Variants in ZC3H12B observed in about 807,000 individuals in gnomAD.
ZC3H12B encodes the protein probable ribonuclease ZC3H12B.
In ZC3H12B, 7 loss-of-function variants were observed where a neutral mutation model predicts 43.9. The ratio of observed to expected loss-of-function variants is 0.16; its 90% confidence interval spans 0.09 to 0.30. ZC3H12B has a LOEUF of 0.30. Among genes scored for constraint, ZC3H12B ranks in the 10% least tolerant of loss-of-function variants. The probability of loss-of-function intolerance (pLI) is 1.00; values close to 1 mark genes in which losing one functional copy is unlikely to be tolerated. For synonymous variants in ZC3H12B, 222 were observed against 241.7 expected (o/e 0.92, Z 0.76); for missense variants, 475 against 670.2 (o/e 0.71, Z 3.22).
the ZC3H12B span, among the ~76,000 whole-genome samples, chrX:65,186,944 T>G: frequency 2.7e-5 from 3 of 112,053 alleles, no homozygotes; most frequent in Admixed American, 2.9e-4. Context: ...TTGGTGGGCA[T>G]TTGGGCTGGT....
the ZC3H12B span, among the ~76,000 whole-genome samples, chrX:65,295,571 A>G: frequency 9.0e-6 from 1 of 111,578 alleles, no homozygotes; most frequent in African/African-American, 3.2e-5. Flanking sequence ...GCAGAACTAA[A>G]TTACGTTGAA....
In ZC3H12B at chrX:65,471,830, C is replaced by T. The variant is rs1247206917; in HGVS notation, n.408-16816C>T. 3.6e-5 allele frequency among the ~76,000 whole-genome samples: 4 copies of T among 111,329 alleles called. No individual in the cohort carries two copies. The Middle Eastern group carries it at 0.014, about 388-fold the overall frequency. ...AGATCATTTTATTCAATGTGAATAT[C>T]GAAATGTGAGGTACTGTTCGTCATT... On this transcript the variant is annotated intron_variant and non_coding_transcript_variant, in intron 3 of 5. Transcript: ENST00000617377.
the ZC3H12B span, among the ~76,000 whole-genome samples, chrX:65,347,723 A>T: frequency 7.1e-5 from 8 of 112,445 alleles, no homozygotes; most frequent in Middle Eastern, 4.2e-3. Flanking sequence ...TGACCCAGGC[A>T]TCCCATTACT....
chrX:65,091,383 A>G, the ZC3H12B span, among the ~76,000 whole-genome samples: 1 of 112,233 alleles, frequency 8.9e-6, no homozygotes, highest in African/African-American at 3.2e-5. Flanking sequence ...TCAATTTCTG[A>G]CTTCCAGAAC....
intron 3 of ZC3H12B, among the ~76,000 whole-genome samples, chrX:65,458,695 G>T (rs2067676535): frequency 8.9e-6 from 1 of 111,909 alleles, no homozygotes; most frequent in African/African-American, 3.3e-5. Context: ...GAATCTCTGG[G>T]ACACATTCAA....
chrX:65,386,306 T>C (rs1005358547), intron 2 of ZC3H12B, among the ~76,000 whole-genome samples: 1 of 111,873 alleles, frequency 8.9e-6, no homozygotes, highest in African/African-American at 3.2e-5. Context: ...GGCTATTAAT[T>C]ATTGCCTCAT....
chrX:65,150,564 C>T, the ZC3H12B span, among the ~76,000 whole-genome samples: 36 of 109,985 alleles, frequency 3.3e-4, no homozygotes, highest in African/African-American at 1.2e-3. Flanking sequence ...GTTCAACTCC[C>T]ACTTATGAGT....
the ZC3H12B span, among the ~76,000 whole-genome samples, chrX:65,217,415 A>G: frequency 3.6e-5 from 4 of 111,801 alleles, no homozygotes; most frequent in East Asian, 1.1e-3. Flanking sequence ...ATGTACATCC[A>G]CAAGAACCAA....
intron 2 of ZC3H12B, among the ~76,000 whole-genome samples, chrX:65,387,368 G>C (rs2066542662): frequency 8.9e-6 from 1 of 111,948 alleles, no homozygotes; most frequent in Admixed American, 9.5e-5. Context: ...AGATTTTCTT[G>C]TGGAACTGAT....
intron 3 of ZC3H12B, among the ~76,000 whole-genome samples, chrX:65,458,088 A>ATT: frequency 2.3e-5 from 2 of 88,822 alleles, no homozygotes; most frequent in African/African-American, 1.3e-4. Flanking sequence ...AAAAAATTAA[A>ATT]AAAAAAAAAA....
At chrX:65,324,751 TGAGAA>T in the ZC3H12B span, among the ~76,000 whole-genome samples, 1 of 111,351 alleles carries the variant, frequency 9.0e-6, no homozygotes, top group Non-Finnish European at 1.9e-5. Context: ...CATGGGTACT[TGAGAA>T]GAGTGTGTAT....
At chrX:65,166,558 G>T in the ZC3H12B span, among the ~76,000 whole-genome samples, 1 of 111,631 alleles carries the variant, frequency 9.0e-6, no homozygotes, top group Non-Finnish European at 1.9e-5. Context: ...CAGTATATAA[G>T]CAGTAATGGG....
At chrX:65,121,899 T>C in the ZC3H12B span, among the ~76,000 whole-genome samples, 12 of 112,001 alleles carry the variant, frequency 1.1e-4, no homozygotes, top group African/African-American at 3.6e-4. Context: ...TTCATTTCCT[T>C]ATGTAGTCAG....
the ZC3H12B span, among the ~76,000 whole-genome samples, chrX:65,125,605 TC>T: frequency 1.8e-5 from 2 of 111,432 alleles, no homozygotes; most frequent in Non-Finnish European, 3.8e-5. Context: ...TGTGTTGCCA[TC>T]TATCTCATTT....
chrX:65,222,246 C>G, the ZC3H12B span, among the ~76,000 whole-genome samples: 4 of 111,336 alleles, frequency 3.6e-5, no homozygotes, highest in African/African-American at 1.3e-4. Flanking sequence ...TAACATGATT[C>G]TGAACAAGGT....
the ZC3H12B span, among the ~76,000 whole-genome samples, chrX:65,144,393 A>G: frequency 8.9e-6 from 1 of 111,879 alleles, no homozygotes; most frequent in Non-Finnish European, 1.9e-5. Context: ...CTAATGGTCT[A>G]CCAATGTTAT....
At chrX:65,325,926 C>A in the ZC3H12B span, among the ~76,000 whole-genome samples, 1 of 111,447 alleles carries the variant, frequency 9.0e-6, no homozygotes, top group African/African-American at 3.2e-5. Context: ...TGACTTTCAA[C>A]AAAGGTTTCG....
chrX:65,355,638 A>G, the ZC3H12B span, among the ~76,000 whole-genome samples: 1 of 111,839 alleles, frequency 8.9e-6, no homozygotes, highest in Admixed American at 9.5e-5. Flanking sequence ...AATGCACACT[A>G]AACCATAGTG....
chrX:65,445,627 C>T (rs2067365850), intron 3 of ZC3H12B, among the ~76,000 whole-genome samples: 1 of 112,250 alleles, frequency 8.9e-6, no homozygotes, highest in Admixed American at 9.5e-5. Flanking sequence ...TGGGTCTCAC[C>T]CATGGTCTGT....
Sources: allele counts gnomAD v4.1 joint callset (sites outside exome capture counted in the v4.1 genomes callset), GRCh38; gene constraint gnomAD v4.1.1; transcripts MANE v1.5; gene names NCBI Gene and HGNC (gene_info 2026-07-23, HGNC 2026-07-21).